Variants in PPIL2 observed in about 807,000 individuals in gnomAD.
The protein encoded by PPIL2 is RING-type E3 ubiquitin-protein ligase PPIL2.
Under a neutral mutation model 75.2 loss-of-function variants are expected in PPIL2, and 50 were observed. The ratio of observed to expected loss-of-function variants is 0.66; its 90% CI spans 0.53 to 0.84. The LOEUF is 0.84. Ranked by LOEUF, PPIL2 falls within the 40% of genes least tolerant of loss-of-function variation. PPIL2 has a pLI of 0.00. For synonymous variants in PPIL2, 245 were observed against 258.8 expected, an observed-to-expected ratio of 0.95 and a Z score of 0.51; for missense variants, 590 against 685.0, an observed-to-expected ratio of 0.86 and a Z score of 1.55.
At chr22:21,687,490 T>C (rs1601574548) in intron 12 of PPIL2, among the ~76,000 whole-genome samples, 153 bp from the exon 13 acceptor site, 1 of 145,446 alleles carries the variant, frequency 6.9e-6, no homozygotes, top group South Asian at 2.2e-4. Flanking sequence ...GAGGCGGAGG[T>C]TGCAGTGAGC....
Position 21,694,825 on chromosome 22 carries a change from G to A in PPIL2, c.1332+8G>A. The A allele has an allele frequency of 1.3e-6, 2 of 1,595,414 alleles. No homozygotes were observed. Among genetic ancestry groups the A allele is most frequent in the Admixed American group, 1.7e-5 (1 of 58,960 alleles). On this transcript the variant is annotated splice_region_variant and intron_variant, in intron 18 of 19. Coordinates refer to ENST00000398831, the MANE Select transcript of PPIL2 (RefSeq NM_014337.4). ...GAGGAGGCCGATGCCCAGGTGAGGG[G>A]GCACGATGCCACCACCTAGGAGGGT...
intron 6 of PPIL2, among the ~76,000 whole-genome samples, chr22:21,680,847 A>C (rs1326249060): frequency 6.8e-6 from 1 of 147,954 alleles, no homozygotes; most frequent in African/African-American, 2.5e-5. Flanking sequence ...AAAAAAAAAA[A>C]AAAAAACAGA....
chr22:21,668,265 T>C (rs1311515090), intron 1 of PPIL2, among the ~76,000 whole-genome samples: 1 of 152,098 alleles, frequency 6.6e-6, no homozygotes, highest in Non-Finnish European at 1.5e-5. Flanking sequence ...AGATCAGCTG[T>C]GCCTTGTTAT....
chr22:21,681,380 A>G lies in PPIL2; in HGVS notation c.377A>G (p.Tyr126Cys). 6.2e-7 allele frequency: 1 copy of G among 1,613,324 alleles called. No individual in the cohort carries two copies. Among genetic ancestry groups the G allele is most frequent in the African/African-American group, 1.3e-5 (1 of 75,024 alleles). Residue 126 changes from tyrosine (Y) to cysteine (C), a missense_variant, in exon 7 of 20, where the codon TAC becomes TGC. Physicochemically the swap from Tyr to Cys is radical, Grantham distance 194 (BLOSUM62 -2). Coordinates refer to ENST00000398831, the MANE Select transcript of PPIL2 (RefSeq NM_014337.4). ...GCTGTGAGGACGACCGGCAACGTCT[A>G]CGCCTATGAGGTGTGTCCTCGCTCC... Reference protein sequence around the residue: ...IVAVRTTGNVYAYEAVEQLNI... With the variant: ...IVAVRTTGNVCAYEAVEQLNI...
chr22:21,679,911 C>T (rs2067036032), intron 6 of PPIL2, among the ~76,000 whole-genome samples: 1 of 151,238 alleles, frequency 6.6e-6, no homozygotes, highest in African/African-American at 2.4e-5. Flanking sequence ...CACGGTGAAA[C>T]CCCGTCTCTA....
intron 6 of PPIL2, among the ~76,000 whole-genome samples, chr22:21,676,309 TTGTG>T (rs61112126): frequency 2.4e-4 from 30 of 123,064 alleles, no homozygotes; most frequent in East Asian, 6.4e-4. Flanking sequence ...TTTATTTATT[TTGTG>T]TGTGTGTGTG....
chr22:21,692,735 C>T (rs2067727005), intron 15 of PPIL2, among the ~76,000 whole-genome samples: 1 of 151,302 alleles, frequency 6.6e-6, no homozygotes, highest in Admixed American at 6.6e-5. Flanking sequence ...ACCATCCTGG[C>T]TAACACAGTG....
chr22:21,687,589 TG>T, intron 12 of PPIL2, 53 bp from the exon 13 acceptor site: 1 of 837,794 alleles, frequency 1.2e-6, no homozygotes, highest in Non-Finnish European at 1.8e-6. Flanking sequence ...GTGGCTGTGG[TG>T]AGCTGCCTTT....
chr22:21,682,558 C>T (rs1238591979), intron 8 of PPIL2, 32 bp downstream of exon 8: 1 of 1,512,634 alleles, frequency 6.6e-7, no homozygotes, highest in South Asian at 1.1e-5. Context: ...GCCCCAGCTG[C>T]CTTCAGCACC....
Position 21,692,384 on chromosome 22 carries a change from G to A in PPIL2, c.1140-1432G>A, listed in dbSNP as rs1477853281. ...TTAGCGAGGATGGTCTCGATCTCCT[G>A]ACCTTGTGATCCGCCCACCTTGGCC... On this transcript the variant is annotated intron_variant, in intron 15 of 19. Transcript: ENST00000398831. Among the ~76,000 whole-genome samples, 5 of 151,378 alleles carry A rather than the reference G, an allele frequency of 3.3e-5. 1 individual carries two copies. Among genetic ancestry groups the A allele is most frequent in the Non-Finnish European group, 7.4e-5 (5 of 67,846 alleles).
chr22:21,695,254 GAAGAGATC>G, intron 19 of PPIL2, 132 bp from the exon 20 acceptor site: 1 of 1,324,672 alleles, frequency 7.5e-7, no homozygotes, highest in Non-Finnish European at 1.0e-6. Context: ...TCTGTGGGTG[GAAGAGATC>G]AAATTCAGGG....
In PPIL2 at chr22:21,684,851, G is replaced by A; in HGVS notation, c.652G>A (p.Asp218Asn). 7 of 1,614,130 alleles carry A rather than the reference G, an allele frequency of 4.3e-6. No homozygotes were observed. The highest frequency in any genetic ancestry group is 5.9e-6 in the Non-Finnish European group (7 of 1,179,984). ...GGAGCTCTACAAGGAGTTCAAAGGG[G>A]ACGAGATTCTGGCAGCCACCATGAA... ...LQELYKEFKGDEILAATMKAP... is the reference protein window; with the variant it reads ...LQELYKEFKGNEILAATMKAP... The change falls in exon 10 of 20, where the codon GAC becomes AAC. Residue 218 changes from aspartate to asparagine, a missense_variant. Transcript: ENST00000398831.
Position 21,696,834 on chromosome 22 carries a change from G to A in PPIL2, c.*1344G>A, listed in dbSNP as rs1328566854. The A allele has an allele frequency of 6.4e-7, 1 of 1,563,534 alleles. No homozygotes were observed. The highest frequency in any genetic ancestry group is 1.9e-5 in the Admixed American group (1 of 52,410). On this transcript the variant is annotated 3_prime_UTR_variant, in exon 20 of 20. Coordinates refer to ENST00000398831, the MANE Select transcript of PPIL2 (RefSeq NM_014337.4). ...GCCTGAGCCCTTTGTCTCCCTGGATGCTGGGTGGCGCCTCATCTGCATCTC... is the reference window on the plus strand; with the variant it reads ...GCCTGAGCCCTTTGTCTCCCTGGATACTGGGTGGCGCCTCATCTGCATCTC...
chr22:21,693,270 A>C (rs551991967), intron 15 of PPIL2, among the ~76,000 whole-genome samples: 2 of 151,734 alleles, frequency 1.3e-5, no homozygotes, highest in South Asian at 4.2e-4. Context: ...CTGGTCTCCA[A>C]CTCCTGGCCT....
chr22:21,676,313 G>T (rs2066851205), intron 6 of PPIL2, among the ~76,000 whole-genome samples: 1 of 147,546 alleles, frequency 6.8e-6, no homozygotes, highest in African/African-American at 2.6e-5. Flanking sequence ...TTTATTTTGT[G>T]TGTGTGTGTG....
In PPIL2 at chr22:21,688,751, G is replaced by A; in HGVS notation, c.1041G>A (p.Gly347=). ...GTGTGGESYW[G]KPFKDEFRPN... ...TTCCAGGTGGGGAGTCATACTGGGGGAAGCCCTTCAAAGACGAGTTCCGGC... is the reference window on the plus strand; with the variant it reads ...TTCCAGGTGGGGAGTCATACTGGGGAAAGCCCTTCAAAGACGAGTTCCGGC... The change falls in exon 15 of 20, where the codon GGG becomes GGA. Residue 347 remains glycine (G), a synonymous_variant. Coordinates refer to ENST00000398831, the MANE Select transcript of PPIL2 (RefSeq NM_014337.4). The A allele has an allele frequency of 6.2e-7, 1 of 1,614,192 alleles. No individual in the cohort carries two copies. The highest frequency in any genetic ancestry group is 8.5e-7 in the Non-Finnish European group (1 of 1,180,010).
intron 19 of PPIL2, 125 bp from the exon 20 acceptor site, chr22:21,695,269 A>AGG: frequency 7.5e-7 from 1 of 1,326,474 alleles, no homozygotes; most frequent in South Asian, 1.4e-5. Flanking sequence ...GATCAAATTC[A>AGG]GGGGGATGTG....
intron 1 of PPIL2, among the ~76,000 whole-genome samples, chr22:21,667,679 C>T (rs1044529027): frequency 6.6e-6 from 1 of 151,958 alleles, no homozygotes; most frequent in Non-Finnish European, 1.5e-5. Flanking sequence ...ATATAATTTC[C>T]CAGTCATCTA....
chr22:21,677,320 C>T (rs1441308168), intron 6 of PPIL2, among the ~76,000 whole-genome samples: 29 of 152,220 alleles, frequency 1.9e-4, no homozygotes, highest in Non-Finnish European at 2.4e-4. Flanking sequence ...GCTGCAATCT[C>T]GGCACTTTGG....
Sources: allele counts gnomAD v4.1 joint callset (sites outside exome capture counted in the v4.1 genomes callset), GRCh38; gene constraint gnomAD v4.1.1; transcripts MANE v1.5; gene names NCBI Gene and HGNC (gene_info 2026-07-23, HGNC 2026-07-21).